The following DOCK2 variants were observed in gnomAD, a reference collection of about 807,000 sequenced individuals.
DOCK2 encodes dedicator of cytokinesis 2.
A neutral mutation model predicts 248.9 loss-of-function variants in DOCK2; 87 were observed. The ratio of observed to expected loss-of-function variants is 0.35; its 90% CI spans 0.29 to 0.42. The LOEUF (loss-of-function observed/expected upper bound fraction) is 0.42. Ranked by LOEUF, DOCK2 falls within the 10% of genes least tolerant of loss-of-function variation. The pLI, the probability that DOCK2 is intolerant of heterozygous loss-of-function variation, is 1.00. For synonymous variants in DOCK2, 805 were observed against 821.6 expected, an observed-to-expected ratio of 0.98 and a Z score of 0.35; for missense variants, 1,747 against 2,300.2, an observed-to-expected ratio of 0.76 and a Z score of 4.92.
intron 25 of DOCK2, among the ~76,000 whole-genome samples, chr5:169,796,393 A>G (rs1221449879): frequency 1.3e-5 from 2 of 152,284 alleles, no homozygotes; most frequent in East Asian, 1.9e-4. Context: ...GGGTAATGGC[A>G]TATCCCATGG....
chr5:170,014,256 TAGGCTCCCCAA>T (rs1252568054), intron 32 of DOCK2, among the ~76,000 whole-genome samples: 2 of 152,134 alleles, frequency 1.3e-5, no homozygotes, highest in Non-Finnish European at 2.9e-5. Context: ...AGCACTGTGG[TAGGCTCCCCAA>T]AGATGTCCAT....
intron 1 of DOCK2, among the ~76,000 whole-genome samples, chr5:169,646,346 C>T (rs1200853374): frequency 1.3e-5 from 2 of 152,102 alleles, no homozygotes; most frequent in African/African-American, 2.4e-5. Context: ...TTTACAAAGC[C>T]CTTGTGTCAT....
At position 169,662,887 on chromosome 5, in the gene DOCK2, C is replaced by T. The variant is rs190797045; in HGVS notation, c.128-6401C>T. ...CTTCCCAAATCTCATGTCCTTCTTA[C>T]ATTGCAAAATCAGTCATGCCTTCCC... On this transcript the variant is annotated intron_variant, in intron 2 of 51. Coordinates refer to ENST00000520908, the MANE Select transcript of DOCK2 (RefSeq NM_004946.3). 4.6e-5 allele frequency among the ~76,000 whole-genome samples: 7 copies of T among 152,294 alleles called. No homozygotes were observed. The East Asian group carries it at 1.2e-3, about 25-fold the overall frequency.
chr5:170,019,868 C>A (rs1225155655), intron 33 of DOCK2, among the ~76,000 whole-genome samples: 2 of 151,992 alleles, frequency 1.3e-5, no homozygotes, highest in Non-Finnish European at 2.9e-5. Flanking sequence ...GGCCTCACCC[C>A]CTGTCCTCTC....
At chr5:169,718,520 C>G (rs1295708775) in intron 21 of DOCK2, 137 bp from the exon 22 acceptor site, 4 of 865,274 alleles carry the variant, frequency 4.6e-6, no homozygotes, top group Non-Finnish European at 6.6e-6. Context: ...GCAGAGTTAT[C>G]TTTATGCTTA....
chr5:169,833,620 G>A (rs1769370861), intron 26 of DOCK2, among the ~76,000 whole-genome samples: 1 of 152,162 alleles, frequency 6.6e-6, no homozygotes, highest in African/African-American at 2.4e-5. Flanking sequence ...AGTTATTGAA[G>A]GTGTATTCAA....
At chr5:170,071,577 C>A (rs1757683665) in intron 46 of DOCK2, among the ~76,000 whole-genome samples, 1 of 152,100 alleles carries the variant, frequency 6.6e-6, no homozygotes, top group Admixed American at 6.5e-5. Flanking sequence ...TCTTTTAAAG[C>A]TTTTGTTGTG....
At chr5:169,703,225 G>T (rs921849865) in intron 14 of DOCK2, among the ~76,000 whole-genome samples, 1 of 152,166 alleles carries the variant, frequency 6.6e-6, no homozygotes, top group African/African-American at 2.4e-5. Context: ...AGCAGGGCGG[G>T]TGTGTTCATC....
chr5:169,662,012 A>G (rs998370318), intron 2 of DOCK2, among the ~76,000 whole-genome samples: 3 of 152,304 alleles, frequency 2.0e-5, no homozygotes, highest in Non-Finnish European at 2.9e-5. Flanking sequence ...TGCTAGTTCT[A>G]TTTTTAATTT....
intron 27 of DOCK2, among the ~76,000 whole-genome samples, chr5:169,954,493 C>G (rs1357844031): frequency 6.6e-6 from 1 of 152,184 alleles, no homozygotes; most frequent in African/African-American, 2.4e-5. Flanking sequence ...AGGCAGGGAC[C>G]AGAAAGACCT....
At chr5:170,043,886 A>T (rs190913080) in intron 38 of DOCK2, among the ~76,000 whole-genome samples, 3 of 152,200 alleles carry the variant, frequency 2.0e-5, no homozygotes, top group East Asian at 1.9e-4. Context: ...ACCTCAAAAA[A>T]CTTACTGTCT....
intron 27 of DOCK2, among the ~76,000 whole-genome samples, chr5:169,927,599 A>G (rs1775526973): frequency 6.6e-6 from 1 of 152,256 alleles, no homozygotes; most frequent in African/African-American, 2.4e-5. Context: ...CTGTGTGATC[A>G]GGAGGTAAAA....
At chr5:169,985,963 C>T in intron 29 of DOCK2, 41 bp downstream of exon 29, 3 of 1,543,180 alleles carry the variant, frequency 1.9e-6, no homozygotes, top group Non-Finnish European at 2.6e-6. Context: ...CTTACCCAGC[C>T]CTCACTTCAA....
chr5:169,773,971 C>T (rs1313030859), intron 25 of DOCK2, among the ~76,000 whole-genome samples: 2 of 152,152 alleles, frequency 1.3e-5, no homozygotes, highest in Non-Finnish European at 2.9e-5. Context: ...TGAGACCTCC[C>T]TAGCCACATA....
chr5:170,057,756 A>T, intron 44 of DOCK2, 90 bp downstream of exon 44: 2 of 1,193,342 alleles, frequency 1.7e-6, no homozygotes, highest in Non-Finnish European at 2.3e-6. Flanking sequence ...TTTAAAAAGG[A>T]GACATGTTTT....
At chr5:169,803,818 G>T (rs867685789) in intron 26 of DOCK2, among the ~76,000 whole-genome samples, 1 of 152,164 alleles carries the variant, frequency 6.6e-6, no homozygotes, top group South Asian at 2.1e-4. Flanking sequence ...CTTCCAAAGG[G>T]CTGAATCTGC....
At chr5:169,670,731 G>T (rs1422789815) in intron 4 of DOCK2, 134 bp downstream of exon 4, 1 of 1,077,972 alleles carries the variant, frequency 9.3e-7, no homozygotes, top group African/African-American at 1.6e-5. Context: ...TATATTTGTG[G>T]GTCTCCTTTC....
chr5:169,796,937 G>T (rs950602224), intron 25 of DOCK2, among the ~76,000 whole-genome samples: 1 of 152,240 alleles, frequency 6.6e-6, no homozygotes, highest in Non-Finnish European at 1.5e-5. Context: ...CTCCAGCCAT[G>T]CCAGAGAGTT....
At position 169,718,763 on chromosome 5, in the gene DOCK2, A is replaced by G; in HGVS notation, c.2239A>G (p.Ile747Val). Reference protein sequence around the residue: ...LKALEYVFKFIVRSRTLFSQL... With the variant: ...LKALEYVFKFVVRSRTLFSQL... ...GGCTTTGGAATATGTGTTCAAGTTC[A>G]TTGTTCGGTCGAGGACATTATTTTC... is the stretch of plus-strand genomic sequence containing the variant. Residue 747 changes from isoleucine to valine, a missense_variant, in exon 22 of 52, where the codon ATT becomes GTT. Physicochemically the swap from Ile to Val is conservative, Grantham distance 29 (BLOSUM62 3). This residue lies in a region of DOCK2 where 858 missense variants were observed against 1,183.5 expected (regional missense o/e 0.72). Coordinates refer to ENST00000520908, the MANE Select transcript of DOCK2 (RefSeq NM_004946.3). 1.9e-6 allele frequency: 3 copies of G among 1,613,778 alleles called. No individual in the cohort carries two copies. Among genetic ancestry groups the G allele is most frequent in the South Asian group, 2.2e-5 (2 of 91,068 alleles).
Sources: allele counts gnomAD v4.1 joint callset (sites outside exome capture counted in the v4.1 genomes callset), GRCh38; gene constraint gnomAD v4.1.1; regional missense constraint gnomAD v4.1.1; transcripts MANE v1.5; gene names NCBI Gene and HGNC (gene_info 2026-07-23, HGNC 2026-07-21).